The following DUSP29 variants were observed in gnomAD, a reference collection of about 807,000 sequenced individuals.
DUSP29 encodes the protein atypical dual-specific protein phosphatase.
In DUSP29, 12 loss-of-function variants were observed where a neutral mutation model predicts 13.5. The ratio of observed to expected loss-of-function variants is 0.89; its 90% CI spans 0.57 to 1.44. DUSP29 has a LOEUF of 1.44. Among genes scored for constraint, DUSP29 ranks in the 40% most tolerant of loss-of-function variants. The pLI is 0.00. For synonymous variants in DUSP29, 134 were observed against 128.7 expected (o/e 1.04, Z -0.28); for missense variants, 308 against 301.1 (o/e 1.02, Z -0.17).
intron 1 of DUSP29, among the ~76,000 whole-genome samples, chr10:75,059,885 G>A (rs1464690673): frequency 6.6e-6 from 1 of 152,166 alleles, no homozygotes; most frequent in Admixed American, 6.5e-5. Context: ...AAGGCCAGGC[G>A]CGGTGGCTCA....
intron 2 of DUSP29, among the ~76,000 whole-genome samples, chr10:75,056,493 G>A (rs1044621976): frequency 6.7e-6 from 1 of 149,486 alleles, no homozygotes; most frequent in African/African-American, 2.5e-5. Context: ...GCGCCATTGA[G>A]GGACATCTCA....
At chr10:75,051,204 T>C (rs1332256355) in intron 2 of DUSP29, among the ~76,000 whole-genome samples, 1 of 152,200 alleles carries the variant, frequency 6.6e-6, no homozygotes, top group Non-Finnish European at 1.5e-5. Flanking sequence ...CTCCCAAGGC[T>C]TCCCCTAGCA....
rs1425873153 is a variant in DUSP29 at position 75,037,931 on chromosome 10, A to G, written c.568T>C (p.Leu190=). The G allele has an allele frequency of 6.2e-7, 1 of 1,613,892 alleles. No homozygotes were observed. The highest frequency in any genetic ancestry group is 8.5e-7 in the Non-Finnish European group (1 of 1,180,016). ...TTGTCCAGCTCCCGGAGCTGCTTCA[A>G]AAAGCCCCGGTTCGGGAGGACGCAG... is the stretch of plus-strand genomic sequence containing the variant. ...NRCVLPNRGF[L]KQLRELDKQL... The change falls in exon 4 of 4, where the codon TTG becomes CTG. Residue 190 remains leucine, a synonymous_variant. Transcript: ENST00000338487.
intron 2 of DUSP29, 44 bp downstream of exon 2, chr10:75,058,271 G>C: frequency 6.3e-7 from 1 of 1,584,612 alleles, no homozygotes; most frequent in Non-Finnish European, 8.6e-7. Context: ...GCCTGGGGAG[G>C]GGCTGCTGCC....
chr10:75,042,129 A>G (rs897739475), intron 3 of DUSP29, among the ~76,000 whole-genome samples: 2 of 152,258 alleles, frequency 1.3e-5, no homozygotes, highest in African/African-American at 2.4e-5. Context: ...ACCAGGTTCT[A>G]TGCTAAGCGC....
intron 2 of DUSP29, among the ~76,000 whole-genome samples, chr10:75,046,447 C>T (rs894651133): frequency 2.6e-5 from 4 of 152,250 alleles, no homozygotes; most frequent in Non-Finnish European, 4.4e-5. Context: ...GACCAACACC[C>T]TGAGCCAGGA....
chr10:75,059,692 G>A (rs1053567876), intron 1 of DUSP29, among the ~76,000 whole-genome samples: 1 of 152,090 alleles, frequency 6.6e-6, no homozygotes, highest in African/African-American at 2.4e-5. Context: ...GGGGCAGGCC[G>A]GGGATGCAGA....
chr10:75,037,586 G>A lies in DUSP29; in HGVS notation c.*250C>T, dbSNP rs1170976954. Among the ~76,000 whole-genome samples the A allele has an allele frequency of 6.6e-6, 1 of 152,210 alleles. No individual in the cohort carries two copies. The highest frequency in any genetic ancestry group is 1.9e-4 in the East Asian group (1 of 5,198). ...CAAAGCAGGAGACTTGGTGCAGCGT[G>A]GCATGCTCCTCTGTGACCCAGAGCC... is the stretch of plus-strand genomic sequence containing the variant. On this transcript the variant is annotated 3_prime_UTR_variant, in exon 4 of 4. Transcript: ENST00000338487.
In DUSP29 at chr10:75,058,356, G is replaced by C; in HGVS notation, c.159C>G (p.Thr53=). Reference sequence around the variant, plus strand: ...GCTTGGGCCAGACCTCGTTGACGTGGGTGTACTGGGGACTGCCCTTCCAGA... The same window carrying C: ...GCTTGGGCCAGACCTCGTTGACGTGCGTGTACTGGGGACTGCCCTTCCAGA... ...RLFWKGSPQY[T]HVNEVWPKLY... The change falls in exon 2 of 4, where the codon ACC becomes ACG. Residue 53 remains threonine (T), a synonymous_variant. Transcript: ENST00000338487. The C allele has an allele frequency of 6.2e-7, 1 of 1,614,148 alleles. No homozygotes were observed. Among genetic ancestry groups the C allele is most frequent in the Non-Finnish European group, 8.5e-7 (1 of 1,180,026 alleles).
intron 2 of DUSP29, among the ~76,000 whole-genome samples, chr10:75,052,340 C>T (rs1166500485): frequency 7.5e-6 from 1 of 133,884 alleles, no homozygotes; most frequent in Admixed American, 8.1e-5. Flanking sequence ...CGGAGTTTCG[C>T]TTTGTCACCA....
chr10:75,054,363 G>A (rs1035681266), intron 2 of DUSP29, among the ~76,000 whole-genome samples: 1 of 152,116 alleles, frequency 6.6e-6, no homozygotes, highest in Non-Finnish European at 1.5e-5. Context: ...AAAAATAACT[G>A]ATATGCCCAA....
At position 75,065,921 on chromosome 10, in the gene DUSP29, T is replaced by C. The variant is rs111725166; in HGVS notation, c.-34-7373A>G. ...TTTTATTATTTTATTTTTGTAGACA[T>C]TGTCTTGCTATGGTGCCCAGGCCTG... On this transcript the variant is annotated intron_variant, in intron 1 of 3. Transcript: ENST00000338487. 4.9e-3 allele frequency among the ~76,000 whole-genome samples: 740 copies of C among 152,172 alleles called. 7 individuals are homozygous for C. The highest frequency in any genetic ancestry group is 0.016 in the African/African-American group (645 of 41,516).
At chr10:75,060,258 C>T (rs1310577553) in intron 1 of DUSP29, among the ~76,000 whole-genome samples, 1 of 151,816 alleles carries the variant, frequency 6.6e-6, no homozygotes, top group Non-Finnish European at 1.5e-5. Flanking sequence ...TTGCATGAGC[C>T]CAGGAGTTCA....
intron 2 of DUSP29, among the ~76,000 whole-genome samples, chr10:75,057,290 A>G (rs980109194): frequency 6.6e-6 from 1 of 152,064 alleles, no homozygotes. Context: ...AAAAAAAAAG[A>G]AAAAGAAAAA....
chr10:75,044,089 C>T, intron 2 of DUSP29, 72 bp from the exon 3 acceptor site: 1 of 1,419,784 alleles, frequency 7.0e-7, no homozygotes, highest in Non-Finnish European at 9.6e-7. Flanking sequence ...AGGGGCCACC[C>T]ACGCTTTCCG....
In DUSP29 at chr10:75,043,873, G is replaced by A; in HGVS notation, c.345C>T (p.Asp115=). The A allele has an allele frequency of 1.9e-6, 3 of 1,614,076 alleles. No homozygotes were observed. Among genetic ancestry groups the A allele is most frequent in the South Asian group, 1.1e-5 (1 of 91,088 alleles). The change falls in exon 3 of 4, where the codon GAC becomes GAT. Residue 115 remains aspartate (D), a synonymous_variant. Transcript: ENST00000338487. The stretch of plus-strand genomic sequence containing the variant: ...AGACACTGAGGTCGAAGGTGGGCAG[G>A]TCGTCGGCCTCCACGCCGTGGTACT... The part of the protein sequence containing the change: ...DIQYHGVEAD[D]LPTFDLSVFF...
At chr10:75,053,604 C>T (rs7917231) in intron 2 of DUSP29, among the ~76,000 whole-genome samples, 48,714 of 152,134 alleles carry the variant, frequency 0.32, 13,181 homozygotes, top group African/African-American at 0.73. Flanking sequence ...TAGTACTCAC[C>T]GCTGTTTCTG....
At chr10:75,058,174 G>A in intron 2 of DUSP29, 141 bp downstream of exon 2, 1 of 991,328 alleles carries the variant, frequency 1.0e-6, no homozygotes, top group Non-Finnish European at 1.5e-6. Flanking sequence ...TCTGTAATGT[G>A]AAGGCAAGCC....
At chr10:75,039,997 T>C (rs1024964165) in intron 3 of DUSP29, among the ~76,000 whole-genome samples, 2 of 152,056 alleles carry the variant, frequency 1.3e-5, no homozygotes, top group Non-Finnish European at 2.9e-5. Flanking sequence ...CTGGCCAACA[T>C]GGTGAAACCC....
Sources: gnomAD v4.1 joint callset for allele counts (sites outside exome capture counted in the v4.1 genomes callset) on GRCh38, gnomAD v4.1.1 for gene constraint, MANE v1.5 for transcripts, NCBI Gene and HGNC (gene_info 2026-07-23, HGNC 2026-07-21) for gene names.